ZMYM2: variants seen among roughly 807,000 people sequenced by gnomAD.
The protein encoded by ZMYM2 is zinc finger MYM-type containing 2.
In ZMYM2, 56 loss-of-function variants were observed where a neutral mutation model predicts 162.8. That is an observed-to-expected ratio of 0.34 (90% CI 0.28 to 0.43). The LOEUF is 0.43. ZMYM2 is among the 20% of genes least tolerant of loss of function. ZMYM2 has a pLI of 1.00. For synonymous variants in ZMYM2, 510 were observed against 541.6 expected (o/e 0.94, Z 0.81); for missense variants, 1,275 against 1,621.8 (o/e 0.79, Z 3.67).
chr13:19,922,653 G>T, the ZMYM2 span, among the ~76,000 whole-genome samples: 1 of 151,698 alleles, frequency 6.6e-6, no homozygotes, highest in African/African-American at 2.4e-5. Context: ...GACCATCCTG[G>T]CTAACACGGT....
intron 3 of ZMYM2, among the ~76,000 whole-genome samples, chr13:20,001,913 GACT>G (rs1455360862): frequency 3.3e-5 from 5 of 152,338 alleles, no homozygotes; most frequent in African/African-American, 1.2e-4. Flanking sequence ...ACACTTAATA[GACT>G]ACATTATAGT....
At chr13:19,997,086 G>C (rs1183069518) in intron 3 of ZMYM2, among the ~76,000 whole-genome samples, 1 of 152,116 alleles carries the variant, frequency 6.6e-6, no homozygotes, top group African/African-American at 2.4e-5. Flanking sequence ...TGCTTTGGGT[G>C]GTTGTCTTTT....
intron 2 of ZMYM2, among the ~76,000 whole-genome samples, chr13:19,985,284 C>T (rs1168291073): frequency 6.6e-6 from 1 of 152,082 alleles, no homozygotes; most frequent in Non-Finnish European, 1.5e-5. Flanking sequence ...CCACCATGCC[C>T]AGCTAATTTT....
chr13:20,027,829 T>G lies in ZMYM2; in HGVS notation c.1851+511T>G, dbSNP rs567984666. ...TGTAAAGAAAGACTTGCTAACATAG[T>G]TTTTCAAATTTGGAGTATGGATAGT... On this transcript the variant is annotated intron_variant, in intron 9 of 24. Transcript: ENST00000610343. Among the ~76,000 whole-genome samples the G allele has an allele frequency of 3.9e-4, 60 of 152,224 alleles. 1 individual carries two copies. The South Asian group carries it at 0.012, about 31-fold the overall frequency.
At chr13:19,976,024 C>G (rs769896793) in intron 2 of ZMYM2, among the ~76,000 whole-genome samples, 8 of 151,950 alleles carry the variant, frequency 5.3e-5, no homozygotes, top group Non-Finnish European at 1.0e-4. Flanking sequence ...CACGCCTGAC[C>G]TCCTTTTTTA....
chr13:20,029,991 C>T (rs1024165452), intron 9 of ZMYM2, among the ~76,000 whole-genome samples: 3 of 151,694 alleles, frequency 2.0e-5, no homozygotes, highest in East Asian at 2.0e-4. Flanking sequence ...GACGGACTTT[C>T]GCCACATTGG....
chr13:19,885,943 A>ATATGTG, the ZMYM2 span, among the ~76,000 whole-genome samples: 6 of 24,416 alleles, frequency 2.5e-4, 1 homozygote, highest in Non-Finnish European at 3.2e-4. Context: ...ACACATATAT[A>ATATGTG]TGTATATACA....
chr13:19,885,983 A>ATACACATATATGTGTG, the ZMYM2 span, among the ~76,000 whole-genome samples: 4 of 52,698 alleles, frequency 7.6e-5, 1 homozygote, highest in Admixed American at 2.2e-4. Flanking sequence ...ATATATATGT[A>ATACACATATATGTGTG]TATACACATA....
At position 20,085,992 on chromosome 13, in the gene ZMYM2, A is replaced by G; in HGVS notation, c.4112A>G (p.Glu1371Gly). 1.2e-6 allele frequency: 2 copies of G among 1,613,544 alleles called. No individual in the cohort carries two copies. Among genetic ancestry groups the G allele is most frequent in the Non-Finnish European group, 1.7e-6 (2 of 1,179,652 alleles). ...GATATTTATGATAAAGACAATTATG[A>G]ACTGGATGAAGACACAGACTAAAAA... ...VKDIYDKDNY[E>G]LDEDTD The change falls in exon 25 of 25, where the codon GAA (glutamate) becomes GGA (glycine). Residue 1371 changes from glutamate (E) to glycine (G), a missense_variant. This residue lies in a region of ZMYM2 where 69 missense variants were observed against 78.4 expected (regional missense o/e 0.88). Transcript: ENST00000610343.
chr13:20,036,457 C>T (rs1291781009), intron 11 of ZMYM2, among the ~76,000 whole-genome samples: 1 of 151,848 alleles, frequency 6.6e-6, no homozygotes, highest in East Asian at 1.9e-4. Flanking sequence ...TTTCCCAGGC[C>T]CAAGCAAGAT....
intron 24 of ZMYM2, 118 bp from the exon 25 acceptor site, chr13:20,085,704 G>A: frequency 2.8e-6 from 2 of 710,700 alleles, no homozygotes; most frequent in Non-Finnish European, 2.2e-6. Context: ...AGACAGTGGG[G>A]CATAGGGGGT....
At chr13:20,063,067 G>A (rs924271087) in intron 18 of ZMYM2, 96 bp downstream of exon 18, 1 of 1,320,390 alleles carries the variant, frequency 7.6e-7, no homozygotes, top group African/African-American at 1.5e-5. Flanking sequence ...CCTTTTAGCA[G>A]TGTTCATATT....
At chr13:20,066,807 G>T (rs997834623) in intron 19 of ZMYM2, 44 bp from the exon 20 acceptor site, 1 of 1,472,024 alleles carries the variant, frequency 6.8e-7, no homozygotes, top group Non-Finnish European at 9.0e-7. Flanking sequence ...ATGAAATAAT[G>T]TAGGCTTTAA....
chr13:20,074,345 C>T (rs1272132238), intron 21 of ZMYM2, among the ~76,000 whole-genome samples: 2 of 151,540 alleles, frequency 1.3e-5, no homozygotes, highest in Non-Finnish European at 2.9e-5. Flanking sequence ...GATCCTCCTG[C>T]CTCAGCCCTT....
chr13:19,987,620 CGTGT>C (rs756005409), intron 2 of ZMYM2, among the ~76,000 whole-genome samples: 8,043 of 121,224 alleles, frequency 0.066, 414 homozygotes, highest in African/African-American at 0.13. Flanking sequence ...GGGGTTTTGT[CGTGT>C]GTGTGTGTGT....
intron 2 of ZMYM2, among the ~76,000 whole-genome samples, chr13:19,966,287 G>A (rs1042370786): frequency 9.9e-5 from 15 of 151,456 alleles, no homozygotes; most frequent in African/African-American, 3.6e-4. Context: ...GGCATGAGCC[G>A]CCACGCCTGG....
intron 3 of ZMYM2, among the ~76,000 whole-genome samples, chr13:20,002,106 T>G (rs1308136522): frequency 1.3e-5 from 2 of 152,226 alleles, no homozygotes; most frequent in Non-Finnish European, 2.9e-5. Context: ...GTGTTACATT[T>G]AAAGGCCATG....
Position 20,088,837 on chromosome 13 carries a change from T to TA in ZMYM2, c.*2825dup. 5.1e-6 allele frequency: 1 copy of TA among 194,442 alleles called. No homozygotes were observed. The highest frequency in any genetic ancestry group is 8.1e-5 in the East Asian group (1 of 12,318). The allele number at this position is 194,442 out of a possible 1,614,324, so 12.0% of individuals were successfully genotyped here. A position where few individuals can be genotyped will look rare whatever the true frequency, so the allele number is the denominator to read the frequency against. On this transcript the variant is annotated 3_prime_UTR_variant, in exon 25 of 25. Coordinates refer to ENST00000610343, the MANE Select transcript of ZMYM2 (RefSeq NM_197968.4). Reference sequence around the variant, plus strand: ...GGGGTAACTTCTTTATGCATAGTATTAAGGGTTATAGTATGAAGAAATCAT... The same window carrying TA: ...GGGGTAACTTCTTTATGCATAGTATTAAAGGGTTATAGTATGAAGAAATCAT...
intron 2 of ZMYM2, among the ~76,000 whole-genome samples, chr13:19,964,559 C>G (rs1253419577): frequency 6.6e-6 from 1 of 152,132 alleles, no homozygotes; most frequent in African/African-American, 2.4e-5. Flanking sequence ...GCCACCATGC[C>G]CAGCCAGTAG....
Sources: gnomAD v4.1 joint callset for allele counts (sites outside exome capture counted in the v4.1 genomes callset) on GRCh38, gnomAD v4.1.1 for gene constraint, gnomAD v4.1.1 regional missense constraint, MANE v1.5 for transcripts, NCBI Gene and HGNC (gene_info 2026-07-23, HGNC 2026-07-21) for gene names.